AGMO: variants seen among roughly 807,000 people sequenced by gnomAD.
The protein encoded by AGMO is glyceryl-ether monooxygenase.
A neutral mutation model predicts 60.2 loss-of-function variants in AGMO; 75 were observed. That is an observed-to-expected ratio of 1.25 (90% CI 1.03 to 1.51). AGMO has a LOEUF of 1.51. Ranked by LOEUF, AGMO falls within the 40% of genes most tolerant of loss-of-function variation. AGMO has a pLI of 0.00. For synonymous variants in AGMO, 261 were observed against 177.1 expected (o/e 1.47, Z -3.76); for missense variants, 763 against 525.5 (o/e 1.45, Z -4.42).
At chr7:15,538,036 A>G (rs185905993) in intron 3 of AGMO, among the ~76,000 whole-genome samples, 2 of 152,226 alleles carry the variant, frequency 1.3e-5, no homozygotes, top group African/African-American at 4.8e-5. Context: ...GAAAGTAATG[A>G]TAAGAAACTA....
chr7:15,428,030 A>AATGTGAAATGAGCTTAATTTCACATTTCG (rs1285858952), intron 4 of AGMO, among the ~76,000 whole-genome samples: 1 of 152,148 alleles, frequency 6.6e-6, no homozygotes, highest in Non-Finnish European at 1.5e-5. Context: ...TTCACATTTC[A>AATGTGAAATGAGCTTAATTTCACATTTCG]TTTCACAGAT....
chr7:15,553,784 G>A (rs552482242), intron 2 of AGMO, among the ~76,000 whole-genome samples: 1 of 151,908 alleles, frequency 6.6e-6, no homozygotes, highest in Non-Finnish European at 1.5e-5. Flanking sequence ...TCCTGTACAG[G>A]TGCCAGGTCT....
intron 3 of AGMO, among the ~76,000 whole-genome samples, chr7:15,487,823 C>A (rs1045217491): frequency 2.6e-5 from 4 of 151,968 alleles, no homozygotes; most frequent in African/African-American, 7.3e-5. Flanking sequence ...TATTTGGAAA[C>A]ATTTTATAAG....
intron 12 of AGMO, among the ~76,000 whole-genome samples, chr7:15,308,504 TCTCATTTGCTTGTATTAA>T (rs1454685284): frequency 1.3e-5 from 2 of 152,132 alleles, no homozygotes; most frequent in Non-Finnish European, 2.9e-5. Flanking sequence ...CTGTTTGTTG[TCTCATTTGCTTGTATTAA>T]CTCATTTGCT....
intron 3 of AGMO, among the ~76,000 whole-genome samples, chr7:15,486,976 T>C (rs946701404): frequency 6.6e-6 from 1 of 152,184 alleles, no homozygotes; most frequent in Non-Finnish European, 1.5e-5. Context: ...AGGCGCATCC[T>C]CCACCCCTTC....
At chr7:15,373,843 G>T (rs964288862) in intron 10 of AGMO, among the ~76,000 whole-genome samples, 1 of 152,130 alleles carries the variant, frequency 6.6e-6, no homozygotes, top group Admixed American at 6.6e-5. Flanking sequence ...TCTAAAAGGT[G>T]CCTGACAAGG....
rs1484176966 is a variant in AGMO at position 15,364,021 on chromosome 7, A to T, written c.1263+1493T>A. On this transcript the variant is annotated intron_variant, in intron 12 of 12. Coordinates refer to ENST00000342526, the MANE Select transcript of AGMO (RefSeq NM_001004320.2). ...TTAGGTTATAATTTGAAGAAACAAA[A>T]TGAACATACACATTAAATCAACTGT... is the stretch of plus-strand genomic sequence containing the variant. 3.3e-5 allele frequency among the ~76,000 whole-genome samples: 5 copies of T among 152,148 alleles called. No individual in the cohort carries two copies. The East Asian group carries it at 7.7e-4, about 23-fold the overall frequency.
At chr7:15,434,343 A>G (rs778263349) in intron 3 of AGMO, among the ~76,000 whole-genome samples, 2 of 152,110 alleles carry the variant, frequency 1.3e-5, no homozygotes, top group Non-Finnish European at 2.9e-5. Flanking sequence ...ATAATCTCCT[A>G]CCTTTGAGTG....
At chr7:15,329,343 G>C (rs993197748) in intron 12 of AGMO, among the ~76,000 whole-genome samples, 3 of 152,094 alleles carry the variant, frequency 2.0e-5, no homozygotes, top group Non-Finnish European at 2.9e-5. Context: ...AAAAGTCTCA[G>C]AAATCCAGGC....
At chr7:15,136,068 A>T in the AGMO span, among the ~76,000 whole-genome samples, 1 of 131,792 alleles carries the variant, frequency 7.6e-6, no homozygotes, top group Non-Finnish European at 1.5e-5. Flanking sequence ...ATCTCAGTTT[A>T]CTGCAACCTC....
chr7:15,526,618 T>C (rs1281044345), intron 3 of AGMO, among the ~76,000 whole-genome samples: 4 of 152,196 alleles, frequency 2.6e-5, no homozygotes, highest in South Asian at 2.1e-4. Flanking sequence ...TCCTGAGCCA[T>C]GGTCACTCAT....
At chr7:15,277,359 T>G (rs1783831185) in intron 12 of AGMO, among the ~76,000 whole-genome samples, 1 of 151,598 alleles carries the variant, frequency 6.6e-6, no homozygotes. Flanking sequence ...ATAAATTATG[T>G]GTCATTTCTG....
intron 12 of AGMO, among the ~76,000 whole-genome samples, chr7:15,276,339 TAA>T (rs981454330): frequency 6.6e-6 from 1 of 152,114 alleles, no homozygotes; most frequent in Non-Finnish European, 1.5e-5. Context: ...TTTTTTTCTT[TAA>T]AGAGGCCAAA....
At chr7:15,226,453 A>G (rs962615859) in intron 12 of AGMO, among the ~76,000 whole-genome samples, 2 of 152,112 alleles carry the variant, frequency 1.3e-5, no homozygotes, top group Non-Finnish European at 2.9e-5. Context: ...ATGAGAAAAT[A>G]GTAGATACAA....
chr7:15,240,406 A>G (rs1782555359), intron 12 of AGMO, among the ~76,000 whole-genome samples: 1 of 152,194 alleles, frequency 6.6e-6, no homozygotes, highest in African/African-American at 2.4e-5. Flanking sequence ...AAGAATTGAG[A>G]GAAGCTGAAC....
intron 12 of AGMO, among the ~76,000 whole-genome samples, chr7:15,265,805 C>A (rs372053226): frequency 1.3e-5 from 2 of 151,986 alleles, no homozygotes; most frequent in East Asian, 3.9e-4. Context: ...GAATTGAAAG[C>A]CATGTCTTGA....
chr7:15,188,632 C>T, the AGMO span, among the ~76,000 whole-genome samples: 2 of 152,104 alleles, frequency 1.3e-5, no homozygotes, highest in Non-Finnish European at 1.5e-5. Context: ...TTTTCAAGCA[C>T]TGGGCTCTAC....
intron 12 of AGMO, among the ~76,000 whole-genome samples, chr7:15,277,279 T>A (rs191292351): frequency 1.3e-5 from 2 of 151,678 alleles, no homozygotes; most frequent in African/African-American, 4.8e-5. Flanking sequence ...CACTCCAACA[T>A]GGGTTACAGA....
intron 3 of AGMO, among the ~76,000 whole-genome samples, chr7:15,477,781 A>G (rs1455409917): frequency 1.3e-5 from 2 of 152,268 alleles, no homozygotes; most frequent in African/African-American, 4.8e-5. Flanking sequence ...CTCTTCTTCA[A>G]AATCACTGTT....
Sources: allele counts gnomAD v4.1 joint callset (sites outside exome capture counted in the v4.1 genomes callset), GRCh38; gene constraint gnomAD v4.1.1; transcripts MANE v1.5; gene names NCBI Gene and HGNC (gene_info 2026-07-23, HGNC 2026-07-21).